The following DNAH10 variants were observed in gnomAD, a reference collection of about 807,000 sequenced individuals.
DNAH10 encodes the protein dynein axonemal heavy chain 10.
A neutral mutation model predicts 506.6 loss-of-function variants in DNAH10; 348 were observed. That is an observed-to-expected ratio of 0.69 (90% confidence interval 0.63 to 0.75). The LOEUF is 0.75. Among genes scored for constraint, DNAH10 ranks in the 30% least tolerant of loss-of-function variants. DNAH10 has a pLI of 0.00. For missense variants in DNAH10, 5,179 were observed against 5,787.1 expected (o/e 0.89, Z 3.41); for synonymous variants, 2,059 against 2,198.6 (o/e 0.94, Z 1.78).
Position 123,925,309 on chromosome 12 carries a change from A to G in DNAH10, c.11921+105A>G. On this transcript the variant is annotated intron_variant, in intron 68 of 78. Coordinates refer to ENST00000673944, the MANE Select transcript of DNAH10 (RefSeq NM_001372106.1). This position sits in a 1 kb window ranked among gnomAD's most constrained non-coding sequence, Gnocchi z 4.0. ...GCAGAGGCTGACCAGCTCCCGAGAC[A>G]GCTGTCGCCACCCTGCTGTACAATA... 3 of 1,462,392 alleles carry G rather than the reference A, an allele frequency of 2.1e-6. No individual in the cohort carries two copies. Among genetic ancestry groups the G allele is most frequent in the Admixed American group, 3.7e-5 (2 of 54,504 alleles). 90.6% of individuals were successfully genotyped at this position (1,462,392 alleles called of 1,614,324 possible). A position where few individuals can be genotyped will look rare whatever the true frequency, so the allele number is the denominator to read the frequency against.
At position 123,875,357 on chromosome 12, in the gene DNAH10, A is replaced by G. The variant is rs1164500460; in HGVS notation, c.8065A>G (p.Met2689Val). The G allele has an allele frequency of 6.2e-7, 1 of 1,614,024 alleles. No homozygotes were observed. The highest frequency in any genetic ancestry group is 8.5e-7 in the Non-Finnish European group (1 of 1,179,886). ...SIRDLGFIAAMGKAGGGRNEV... is the reference protein window; with the variant it reads ...SIRDLGFIAAVGKAGGGRNEV... ...TCGAGACCTTGGCTTTATTGCTGCA[A>G]TGGGAAAGGCTGGAGGAGGCCGCAA... The change falls in exon 47 of 79, where the codon ATG becomes GTG. Residue 2689 changes from methionine (M) to valine (V), a missense_variant. Met to Val is a conservative substitution (Grantham distance 21). Around this residue, in one of 3 missense-constraint regions of DNAH10, gnomAD observed 4,844 missense variants for 5,430.5 expected, o/e 0.89. Transcript: ENST00000673944.
intron 47 of DNAH10, among the ~76,000 whole-genome samples, chr12:123,875,908 C>G (rs1173370623): frequency 2.0e-5 from 3 of 152,138 alleles, no homozygotes; most frequent in Non-Finnish European, 4.4e-5. Context: ...ATGATGGTCC[C>G]CACCTCACTG....
At position 123,919,856 on chromosome 12, in the gene DNAH10, C is replaced by T. The variant is rs566678852; in HGVS notation, c.11506+907C>T. Among the ~76,000 whole-genome samples, 35 of 152,322 alleles carry T rather than the reference C, an allele frequency of 2.3e-4. No individual in the cohort carries two copies. Among genetic ancestry groups the T allele is most frequent in the African/African-American group, 7.7e-4 (32 of 41,568 alleles). On this transcript the variant is annotated intron_variant, in intron 65 of 78. Transcript: ENST00000673944. The surrounding 1 kb of genome is among the most constrained non-coding windows in gnomAD (Gnocchi z 4.9). ...ACAGACCGCACTGTGTTTATCCACC[C>T]GTCACCTGATGGGCATTTGGGTTGT...
chr12:123,878,360 C>T (rs901937441), intron 48 of DNAH10, among the ~76,000 whole-genome samples: 2 of 152,166 alleles, frequency 1.3e-5, no homozygotes, highest in Non-Finnish European at 2.9e-5. Flanking sequence ...TGAATGTCTA[C>T]TTTAGTCTAT....
chr12:123,819,357 A>G (rs1282467327), intron 23 of DNAH10, 107 bp downstream of exon 23: 4 of 791,538 alleles, frequency 5.1e-6, no homozygotes, highest in Non-Finnish European at 6.1e-6. Context: ...TGATTAAAAT[A>G]TTTATTTCTT....
Position 123,932,105 on chromosome 12 carries a change from G to T in DNAH10, c.13293G>T (p.Leu4431Phe), listed in dbSNP as rs369963691. The change falls in exon 76 of 79, where the codon TTG (leucine) becomes TTT (phenylalanine). Residue 4431 changes from leucine to phenylalanine, a missense_variant. Coordinates refer to ENST00000673944, the MANE Select transcript of DNAH10 (RefSeq NM_001372106.1). ...TGCGGCGGTTCAGCCAGTACATGTT[G>T]TGGGTAAGTGGCACGTCACCGCCTC... ...YFLRRFSQYM[L>F]WVTESEPSVM... is the part of the protein sequence containing the mutation. The T allele has an allele frequency of 2.5e-5, 41 of 1,613,260 alleles. No homozygotes were observed. The African/African-American group carries it at 3.1e-4, about 12-fold the overall frequency.
chr12:123,851,355 A>ACGTGTTAGCTCCG lies in DNAH10; in HGVS notation c.6291+279_6291+280insCGTGTTAGCTCCG, dbSNP rs1565993480. ...GGCTCTTCCAGACTGGGGACCTAGG[A>ACGTGTTAGCTCCG]TGTGTCAGCTCCATGTGGCTCTTCC... is the stretch of plus-strand genomic sequence containing the variant. On this transcript the variant is annotated intron_variant, in intron 35 of 78. Transcript: ENST00000673944. Among the ~76,000 whole-genome samples, 23 of 142,554 alleles carry ACGTGTTAGCTCCG rather than the reference A, an allele frequency of 1.6e-4. 1 individual carries two copies. The highest frequency in any genetic ancestry group is 6.0e-4 in the African/African-American group (22 of 36,400). The allele number at this position is 142,554 out of a possible 152,430, so 93.5% of individuals were successfully genotyped here.
At chr12:123,765,304 T>G (rs1244755183) in intron 1 of DNAH10, among the ~76,000 whole-genome samples, 1 of 152,158 alleles carries the variant, frequency 6.6e-6, no homozygotes, top group African/African-American at 2.4e-5. Context: ...CTTCCTTACA[T>G]TTAAAGAAAT....
intron 44 of DNAH10, 63 bp downstream of exon 44, chr12:123,870,548 G>A (rs1449894596): frequency 2.6e-6 from 4 of 1,561,034 alleles, no homozygotes; most frequent in Non-Finnish European, 2.6e-6. Context: ...TCTAGGAGGA[G>A]GCAAAGAAGA....
rs1057106235 is a variant in DNAH10, at chr12:123,919,294, C to T, written c.11506+345C>T. Among the ~76,000 whole-genome samples the T allele has an allele frequency of 3.3e-5, 5 of 151,932 alleles. No homozygotes were observed. The East Asian group carries it at 5.8e-4, about 18-fold the overall frequency. Reference sequence around the variant, plus strand: ...TTCACTATGTTGCCCAGGCTGGTCTCGAACTCCTGAGCTCAAACGATCCAC... The same window carrying T: ...TTCACTATGTTGCCCAGGCTGGTCTTGAACTCCTGAGCTCAAACGATCCAC... On this transcript the variant is annotated intron_variant, in intron 65 of 78. Coordinates refer to ENST00000673944, the MANE Select transcript of DNAH10 (RefSeq NM_001372106.1). The surrounding 1 kb of genome is among the most constrained non-coding windows in gnomAD (Gnocchi z 4.9).
Position 123,864,653 on chromosome 12 carries a change from A to C in DNAH10, c.6967A>C (p.Met2323Leu), listed in dbSNP as rs1241123135. The C allele has an allele frequency of 6.2e-7, 1 of 1,613,894 alleles. No individual in the cohort carries two copies. The highest frequency in any genetic ancestry group is 8.5e-7 in the Non-Finnish European group (1 of 1,179,894). Residue 2323 changes from methionine to leucine, a missense_variant, in exon 40 of 79, where the codon ATG (methionine) becomes CTG (leucine). This residue lies in a region of DNAH10 where 4,844 missense variants were observed against 5,430.5 expected (regional missense o/e 0.89). Coordinates refer to ENST00000673944, the MANE Select transcript of DNAH10 (RefSeq NM_001372106.1). Reference protein sequence around the residue: ...ALWVENMNSVMDDNRLLTLAN... With the variant: ...ALWVENMNSVLDDNRLLTLAN... ...ATGGGTGGAAAACATGAATTCTGTG[A>C]TGGATGACAACAGGTTGTTGACATT... is the stretch of plus-strand genomic sequence containing the variant.
intron 25 of DNAH10, among the ~76,000 whole-genome samples, chr12:123,830,126 C>G (rs1271617158): frequency 6.6e-6 from 1 of 152,092 alleles, no homozygotes; most frequent in South Asian, 2.1e-4. Flanking sequence ...AACTCTGTAC[C>G]CCAGTCCACT....
chr12:123,867,450 A>G lies in DNAH10; in HGVS notation c.7168-17A>G, dbSNP rs1393448037. On this transcript the variant is annotated splice_polypyrimidine_tract_variant and intron_variant, in intron 41 of 78. Transcript: ENST00000673944. ...AAACAAACCCTTGAAATGCTTTGGA[A>G]TGCTACTTTTTTATAGGTGGAGCAA... 3 of 1,607,736 alleles carry G rather than the reference A, an allele frequency of 1.9e-6. No individual in the cohort carries two copies. In the East Asian group the frequency reaches 6.7e-5, roughly 36 times the overall value.
Position 123,935,616 on chromosome 12 carries a change from C to T in DNAH10, c.*135C>T. The T allele has an allele frequency of 1.1e-6, 1 of 937,990 alleles. No individual in the cohort carries two copies. The highest frequency in any genetic ancestry group is 2.5e-5 in the East Asian group (1 of 40,796). 58.1% of individuals were successfully genotyped at this position (937,990 alleles called of 1,614,324 possible). Reference sequence around the variant, plus strand: ...CTGATTTTTCATTTGAAATCAGCCACTTAAATCTCTTTCCATACAAATTAA... The same window carrying T: ...CTGATTTTTCATTTGAAATCAGCCATTTAAATCTCTTTCCATACAAATTAA... On this transcript the variant is annotated 3_prime_UTR_variant, in exon 79 of 79. Coordinates refer to ENST00000673944, the MANE Select transcript of DNAH10 (RefSeq NM_001372106.1).
At position 123,918,830 on chromosome 12, in the gene DNAH10, CCTT is replaced by C. The variant is rs1313098643; in HGVS notation, c.11391_11393del (p.Phe3797del). 12 of 1,613,964 alleles carry C rather than the reference CCTT, an allele frequency of 7.4e-6. No homozygotes were observed. In the East Asian group the frequency reaches 2.2e-4, roughly 30 times the overall value. The stretch of plus-strand genomic sequence containing the variant: ...TCCATGTACCAGTACTCCCTGATTG[CCTT>C]CTTAGAGGTCTTCAGGCTGTCACTG... On this transcript the variant is annotated inframe_deletion, in exon 65 of 79. Coordinates refer to ENST00000673944, the MANE Select transcript of DNAH10 (RefSeq NM_001372106.1).
intron 29 of DNAH10, among the ~76,000 whole-genome samples, chr12:123,840,407 T>C (rs934779206): frequency 7.2e-6 from 1 of 139,468 alleles, no homozygotes; most frequent in Non-Finnish European, 1.6e-5. Flanking sequence ...TTTTTTTTTT[T>C]TTTTTTTTTT....
chr12:123,766,775 T>C (rs1434480330), intron 1 of DNAH10, among the ~76,000 whole-genome samples: 1 of 152,218 alleles, frequency 6.6e-6, no homozygotes, highest in African/African-American at 2.4e-5. Flanking sequence ...TGACATTTGA[T>C]ATTGGCCATT....
At chr12:123,858,737 GGAT>G (rs1951497467) in intron 37 of DNAH10, among the ~76,000 whole-genome samples, 1 of 152,148 alleles carries the variant, frequency 6.6e-6, no homozygotes, top group African/African-American at 2.4e-5. Context: ...CCATCCCATG[GGAT>G]ATATTTTGGC....
At chr12:123,920,942 A>T (rs937062990) in intron 65 of DNAH10, among the ~76,000 whole-genome samples, 51 of 151,848 alleles carry the variant, frequency 3.4e-4, no homozygotes, top group South Asian at 4.2e-4. Context: ...GCTAATTTTT[A>T]AAAAAAATTT....
Sources: gnomAD v4.1 joint callset for allele counts (sites outside exome capture counted in the v4.1 genomes callset) on GRCh38, gnomAD v4.1.1 for gene constraint, gnomAD v4.1.1 regional missense constraint, Gnocchi (gnomAD v3.1) non-coding constraint, MANE v1.5 for transcripts, NCBI Gene and HGNC (gene_info 2026-07-23, HGNC 2026-07-21) for gene names.